The following PCDHA13 variants were observed in gnomAD, a reference collection of about 807,000 sequenced individuals.
PCDHA13 encodes protocadherin alpha 13.
PCDHA13 carries 54 observed loss-of-function variants against 64.8 expected under a neutral mutation model. That is an observed-to-expected ratio of 0.83 (90% CI 0.67 to 1.04). The LOEUF (loss-of-function observed/expected upper bound fraction) is 1.04. Among genes scored for constraint, PCDHA13 ranks in the 50% least tolerant of loss-of-function variants. PCDHA13 has a pLI of 0.00. For missense variants in PCDHA13, 1,248 were observed against 1,254.3 expected (o/e 0.99, Z 0.08); for synonymous variants, 587 against 564.4 (o/e 1.04, Z -0.57).
chr5:140,883,909 C>T lies in PCDHA13; in HGVS notation c.1641C>T (p.Ser547=). Residue 547 remains serine (S), a synonymous_variant, in exon 1 of 4, where the codon AGC becomes AGT. Coordinates refer to ENST00000289272, the MANE Select transcript of PCDHA13 (RefSeq NM_018904.3). ...ARDSGVPPLG[S]NVTLQVFVLD... ...ACTCTGGCGTGCCGCCTCTGGGCAG[C>T]AACGTGACGCTGCAGGTGTTCGTGC... is the stretch of plus-strand genomic sequence containing the variant. 6.2e-7 allele frequency: 1 copy of T among 1,613,472 alleles called. No individual in the cohort carries two copies. The highest frequency in any genetic ancestry group is 8.5e-7 in the Non-Finnish European group (1 of 1,179,866).
At chr5:140,918,279 G>A (rs1554198513) in intron 1 of PCDHA13, among the ~76,000 whole-genome samples, 1 of 152,078 alleles carries the variant, frequency 6.6e-6, no homozygotes, top group African/African-American at 2.4e-5. Context: ...TCAGATGTAG[G>A]AGCTTTTTGG....
At chr5:140,940,600 G>A (rs576348550) in intron 1 of PCDHA13, among the ~76,000 whole-genome samples, 36 of 152,074 alleles carry the variant, frequency 2.4e-4, no homozygotes, top group African/African-American at 8.4e-4. Flanking sequence ...GGCATGAGCC[G>A]CTGCTCCTGG....
At chr5:140,993,460 T>TCACA (rs1554253699) in intron 3 of PCDHA13, among the ~76,000 whole-genome samples, 76 of 104,564 alleles carry the variant, frequency 7.3e-4, no homozygotes, top group Admixed American at 2.0e-3. Context: ...CTTCTTTCTT[T>TCACA]CTCACACACA....
intron 3 of PCDHA13, among the ~76,000 whole-genome samples, chr5:140,992,665 T>A (rs1219714191): frequency 2.6e-5 from 4 of 152,096 alleles, no homozygotes; most frequent in Non-Finnish European, 5.9e-5. Context: ...CTGATTGGTG[T>A]GTATGTGTGT....
intron 1 of PCDHA13, among the ~76,000 whole-genome samples, chr5:140,910,929 A>G (rs2075237197): frequency 6.6e-6 from 1 of 152,176 alleles, no homozygotes; most frequent in Admixed American, 6.5e-5. Flanking sequence ...TATAAATAAG[A>G]AAGCTCAAGC....
Position 141,012,283 on chromosome 5 carries a change from AT to A in PCDHA13, c.*2350del, listed in dbSNP as rs1313163740. 6.5e-6 allele frequency: 1 copy of A among 153,798 alleles called. No homozygotes were observed. Among genetic ancestry groups the A allele is most frequent in the Non-Finnish European group, 1.5e-5 (1 of 68,046 alleles). The allele number at this position is 153,798 out of a possible 1,614,324, so 9.5% of individuals were successfully genotyped here. ...AGGATAAAACACGTCATGTGGATTC[AT>A]TTTGAATTGGTGCTATTGGTATTTC... On this transcript the variant is annotated 3_prime_UTR_variant, in exon 4 of 4. Coordinates refer to ENST00000289272, the MANE Select transcript of PCDHA13 (RefSeq NM_018904.3).
intron 1 of PCDHA13, among the ~76,000 whole-genome samples, chr5:140,899,359 T>C (rs1247414230): frequency 6.6e-6 from 1 of 152,116 alleles, no homozygotes; most frequent in Non-Finnish European, 1.5e-5. Context: ...TTTTGAGATA[T>C]GTCCCATCAA....
At chr5:140,943,630 T>C (rs1224015760) in intron 1 of PCDHA13, among the ~76,000 whole-genome samples, 1 of 152,130 alleles carries the variant, frequency 6.6e-6, no homozygotes, top group Non-Finnish European at 1.5e-5. Flanking sequence ...ATAAGGAAGC[T>C]GGATTATGGA....
rs201131092 is a variant in PCDHA13 at position 141,009,948 on chromosome 5, T to A, written c.*11T>A. ...AACAGTGACCAGTGAGGTCCTCAAATGGAAACAAGCCACTTAGCCAGTTTT... is the reference window on the plus strand; with the variant it reads ...AACAGTGACCAGTGAGGTCCTCAAAAGGAAACAAGCCACTTAGCCAGTTTT... On this transcript the variant is annotated 3_prime_UTR_variant, in exon 4 of 4. Coordinates refer to ENST00000289272, the MANE Select transcript of PCDHA13 (RefSeq NM_018904.3). The A allele has an allele frequency of 9.4e-6, 15 of 1,595,948 alleles. No homozygotes were observed. In the East Asian group the frequency reaches 3.4e-4, roughly 36 times the overall value.
At chr5:140,896,706 T>C (rs188797791) in intron 1 of PCDHA13, among the ~76,000 whole-genome samples, 169 of 152,248 alleles carry the variant, frequency 1.1e-3, no homozygotes, top group East Asian at 5.2e-3. Context: ...AGGTTGTTTG[T>C]TTTTTGCTTG....
rs146510190 is a variant in PCDHA13 at position 140,882,346 on chromosome 5, G to A, written c.78G>A (p.Thr26=). 5.3e-5 allele frequency: 86 copies of A among 1,614,078 alleles called. No homozygotes were observed. Among genetic ancestry groups the A allele is most frequent in the African/African-American group, 9.3e-5 (7 of 74,928 alleles). The change falls in exon 1 of 4, where the codon ACG becomes ACA. Residue 26 remains threonine (T), a synonymous_variant. Coordinates refer to ENST00000289272, the MANE Select transcript of PCDHA13 (RefSeq NM_018904.3). ...LWLLILAAWE[T]GSGQLHYSVP... Reference sequence around the variant, plus strand: ...TTCTGATCCTCGCAGCCTGGGAGACGGGTAGTGGCCAGCTCCACTACTCCG... The same window carrying A: ...TTCTGATCCTCGCAGCCTGGGAGACAGGTAGTGGCCAGCTCCACTACTCCG...
chr5:140,883,683 G>A lies in PCDHA13; in HGVS notation c.1415G>A (p.Cys472Tyr), dbSNP rs1015362604. ...VFVKENNPPG[C>Y]HIFTVSAQDA... ...GTGAAGGAAAACAATCCGCCGGGCT[G>A]CCACATCTTCACGGTGTCTGCTCAG... Residue 472 changes from cysteine to tyrosine, a missense_variant, in exon 1 of 4, where the codon TGC becomes TAC. Physicochemically the swap from Cys to Tyr is radical, Grantham distance 194. Transcript: ENST00000289272. 4 of 1,613,808 alleles carry A rather than the reference G, an allele frequency of 2.5e-6. No individual in the cohort carries two copies. Among genetic ancestry groups the A allele is most frequent in the Non-Finnish European group, 3.4e-6 (4 of 1,179,896 alleles).
chr5:140,965,942 C>G (rs2095950444), intron 1 of PCDHA13, among the ~76,000 whole-genome samples: 2 of 152,330 alleles, frequency 1.3e-5, no homozygotes, highest in Admixed American at 1.3e-4. Flanking sequence ...AAGAGGGCAG[C>G]ATTTGCCATC....
intron 1 of PCDHA13, among the ~76,000 whole-genome samples, chr5:140,889,948 A>G (rs956594809): frequency 6.6e-6 from 1 of 152,194 alleles, no homozygotes; most frequent in Admixed American, 6.6e-5. Flanking sequence ...TGAGAAGCCA[A>G]ATGGATAGAA....
chr5:141,004,369 C>T (rs1239142670), intron 3 of PCDHA13, among the ~76,000 whole-genome samples: 1 of 152,324 alleles, frequency 6.6e-6, no homozygotes, highest in South Asian at 2.1e-4. Context: ...ACACCTTGTT[C>T]TGCTCTGCGG....
intron 1 of PCDHA13, chr5:140,929,740 A>G (rs2086345950): frequency 5.1e-6 from 1 of 196,656 alleles, no homozygotes; most frequent in African/African-American, 2.3e-5. Context: ...AACTATTGCA[A>G]TGCATTATTA....
At chr5:140,920,868 T>C (rs1248971730) in intron 1 of PCDHA13, among the ~76,000 whole-genome samples, 4 of 149,716 alleles carry the variant, frequency 2.7e-5, no homozygotes, top group Non-Finnish European at 1.5e-5. Context: ...ACAAACAAAC[T>C]GTGGCCCTTA....
chr5:140,979,090 C>A, intron 2 of PCDHA13, 83 bp downstream of exon 2: 1 of 1,557,284 alleles, frequency 6.4e-7, no homozygotes, highest in Non-Finnish European at 8.7e-7. Flanking sequence ...AGGCCAGAAG[C>A]AGCTGTCAAA....
chr5:140,891,756 G>A (rs782304941), intron 1 of PCDHA13, among the ~76,000 whole-genome samples: 20 of 152,144 alleles, frequency 1.3e-4, no homozygotes, highest in Non-Finnish European at 2.5e-4. Flanking sequence ...AACAGTGTTG[G>A]GAGGTGGGGA....
Sources: allele counts gnomAD v4.1 joint callset (sites outside exome capture counted in the v4.1 genomes callset), GRCh38; gene constraint gnomAD v4.1.1; transcripts MANE v1.5; gene names NCBI Gene and HGNC (gene_info 2026-07-23, HGNC 2026-07-21).